The following CA10 variants were observed in gnomAD, a reference collection of about 807,000 sequenced individuals.
The protein encoded by CA10 is carbonic anhydrase 10 (inactive).
A neutral mutation model predicts 44.2 loss-of-function variants in CA10; 14 were observed. That is an observed-to-expected ratio of 0.32 (90% CI 0.21 to 0.50). CA10 has a LOEUF of 0.50. Ranked by LOEUF, CA10 falls within the 20% of genes least tolerant of loss-of-function variation. The pLI is 0.99. For synonymous variants in CA10, 159 were observed against 141.6 expected (o/e 1.12, Z -0.87); for missense variants, 350 against 409.7 (o/e 0.85, Z 1.26).
chr17:52,028,744 G>A lies in CA10; in HGVS notation c.136+43575C>T, dbSNP rs140716950. Among the ~76,000 whole-genome samples, 548 of 152,292 alleles carry A rather than the reference G, an allele frequency of 3.6e-3. 3 individuals are homozygous for A. The highest frequency in any genetic ancestry group is 0.012 in the African/African-American group (509 of 41,572). On this transcript the variant is annotated intron_variant, in intron 2 of 8. Transcript: ENST00000451037. ...GCCAGTGCTGGTCAAAAGCAGTGGGGCCATCATCTTGATTTAGACATACTG... is the reference window on the plus strand; with the variant it reads ...GCCAGTGCTGGTCAAAAGCAGTGGGACCATCATCTTGATTTAGACATACTG...
At chr17:51,676,885 AC>A (rs1416683112) in intron 4 of CA10, among the ~76,000 whole-genome samples, 1 of 151,900 alleles carries the variant, frequency 6.6e-6, no homozygotes, top group Non-Finnish European at 1.5e-5. Context: ...CTTCTTTACC[AC>A]CCAGGCCAGC....
chr17:51,802,365 G>A (rs1345756335), intron 3 of CA10, among the ~76,000 whole-genome samples: 1 of 152,040 alleles, frequency 6.6e-6, no homozygotes, highest in Non-Finnish European at 1.5e-5. Context: ...GTGGGAAAGA[G>A]CTCACTCTGC....
At chr17:52,057,663 C>T (rs1484004706) in intron 2 of CA10, among the ~76,000 whole-genome samples, 1 of 152,040 alleles carries the variant, frequency 6.6e-6, no homozygotes, top group African/African-American at 2.4e-5. Flanking sequence ...TAAAACTCAA[C>T]AGTAACTACA....
At chr17:51,933,690 A>T (rs1982751778) in intron 2 of CA10, among the ~76,000 whole-genome samples, 1 of 152,268 alleles carries the variant, frequency 6.6e-6, no homozygotes, top group East Asian at 1.9e-4. Flanking sequence ...TTTGACAATG[A>T]AGACATCTAT....
chr17:51,916,736 G>A (rs960478782), intron 3 of CA10, among the ~76,000 whole-genome samples: 7 of 152,138 alleles, frequency 4.6e-5, no homozygotes, highest in Non-Finnish European at 7.3e-5. Context: ...GAGGAATTAA[G>A]ATGAAAGTAA....
intron 1 of CA10, among the ~76,000 whole-genome samples, chr17:52,096,812 G>A (rs1988413049): frequency 6.6e-6 from 1 of 152,182 alleles, no homozygotes; most frequent in African/African-American, 2.4e-5. Flanking sequence ...TCTATCCAAA[G>A]TCTTCACATA....
intron 1 of CA10, among the ~76,000 whole-genome samples, chr17:52,105,505 C>T (rs1424701856): frequency 3.3e-5 from 5 of 152,156 alleles, no homozygotes; most frequent in Non-Finnish European, 4.4e-5. Context: ...TCTGCCCGCC[C>T]TGGCCTCCCA....
chr17:51,981,919 TTAATA>T, intron 2 of CA10, among the ~76,000 whole-genome samples: 1 of 152,014 alleles, frequency 6.6e-6, no homozygotes, highest in South Asian at 2.1e-4. Flanking sequence ...CTGAATTTAT[TTAATA>T]TATTTTTCCC....
intron 2 of CA10, among the ~76,000 whole-genome samples, chr17:51,932,508 A>ATGTT (rs1247284401): frequency 2.0e-5 from 3 of 152,180 alleles, no homozygotes; most frequent in African/African-American, 7.2e-5. Flanking sequence ...CTTGGCCTAG[A>ATGTT]CAAACACTTC....
intron 1 of CA10, among the ~76,000 whole-genome samples, chr17:52,101,684 T>G (rs1988543738): frequency 6.6e-6 from 1 of 152,084 alleles, no homozygotes; most frequent in Non-Finnish European, 1.5e-5. Flanking sequence ...GTAAGGAGAG[T>G]TGATCACTTG....
chr17:52,015,434 G>A (rs1169352682), intron 2 of CA10, among the ~76,000 whole-genome samples: 1 of 152,056 alleles, frequency 6.6e-6, no homozygotes, highest in Non-Finnish European at 1.5e-5. Context: ...AATGTGAGTT[G>A]TCAACAAGGA....
chr17:51,710,921 C>CTTTTTTTT (rs55854155), intron 4 of CA10, among the ~76,000 whole-genome samples: 59 of 84,474 alleles, frequency 7.0e-4, no homozygotes, highest in Middle Eastern at 0.011. Context: ...CAACATTTTG[C>CTTTTTTTT]TTTTTTTTTT....
chr17:52,098,892 C>T (rs948200979), intron 1 of CA10, among the ~76,000 whole-genome samples: 8 of 152,158 alleles, frequency 5.3e-5, no homozygotes, highest in Admixed American at 3.3e-4. Context: ...ACAAATAGTG[C>T]GTGAGCATTC....
At chr17:52,096,094 G>A (rs1988393732) in intron 1 of CA10, among the ~76,000 whole-genome samples, 1 of 152,116 alleles carries the variant, frequency 6.6e-6, no homozygotes, top group Non-Finnish European at 1.5e-5. Flanking sequence ...TTGGGATAAT[G>A]CATGTGGGGA....
chr17:51,921,088 T>TA (rs1982213265), intron 3 of CA10, among the ~76,000 whole-genome samples: 1 of 152,182 alleles, frequency 6.6e-6, no homozygotes, highest in African/African-American at 2.4e-5. Flanking sequence ...TGTTTTCCTT[T>TA]AGGAGGATTT....
intron 1 of CA10, among the ~76,000 whole-genome samples, chr17:52,122,768 C>T (rs1307710572): frequency 6.6e-6 from 1 of 152,172 alleles, no homozygotes; most frequent in East Asian, 1.9e-4. Flanking sequence ...GGTTCAACTG[C>T]TATGGCTTTT....
chr17:51,905,080 A>T (rs1175746858), intron 3 of CA10, among the ~76,000 whole-genome samples: 1 of 152,156 alleles, frequency 6.6e-6, no homozygotes, highest in African/African-American at 2.4e-5. Flanking sequence ...TCAACCATCA[A>T]AGGTGTAAGT....
intron 2 of CA10, among the ~76,000 whole-genome samples, chr17:52,040,425 G>A (rs1224453245): frequency 6.6e-6 from 1 of 152,060 alleles, no homozygotes; most frequent in Non-Finnish European, 1.5e-5. Context: ...TTCTAGAGAT[G>A]TTGAATGTAG....
chr17:51,896,717 C>T (rs1981082920), intron 3 of CA10, among the ~76,000 whole-genome samples: 2 of 152,058 alleles, frequency 1.3e-5, no homozygotes, highest in Non-Finnish European at 2.9e-5. Context: ...TATAAGCATT[C>T]CCTTTTCTCT....
Sources: gnomAD v4.1 joint callset for allele counts (sites outside exome capture counted in the v4.1 genomes callset) on GRCh38, gnomAD v4.1.1 for gene constraint, MANE v1.5 for transcripts, NCBI Gene and HGNC (gene_info 2026-07-23, HGNC 2026-07-21) for gene names.